The following TENM2 variants were observed in gnomAD, a reference collection of about 807,000 sequenced individuals.
TENM2 encodes the protein teneurin transmembrane protein 2, also known as teneurin-2.
In TENM2, 52 loss-of-function variants were observed where a neutral mutation model predicts 245.2. The observed-to-expected ratio is 0.21, with a 90% CI of 0.17 to 0.27. The LOEUF (loss-of-function observed/expected upper bound fraction) is 0.27. Ranked by LOEUF, TENM2 falls within the 10% of genes least tolerant of loss-of-function variation. The probability of loss-of-function intolerance (pLI) is 1.00; values close to 1 mark genes in which losing one functional copy is unlikely to be tolerated. For missense variants in TENM2, 3,046 were observed against 3,666.8 expected, an observed-to-expected ratio of 0.83 and a Z score of 4.37; for synonymous variants, 1,363 against 1,438.9, an observed-to-expected ratio of 0.95 and a Z score of 1.19.
At chr5:168,221,295 G>A (rs76901286) in intron 23 of TENM2, among the ~76,000 whole-genome samples, 1,605 of 152,106 alleles carry the variant, frequency 0.011, 27 homozygotes, top group African/African-American at 0.035. Context: ...TTTATCTGCC[G>A]TGTTGTCACA....
intron 3 of TENM2, among the ~76,000 whole-genome samples, chr5:167,916,374 A>C (rs986674855): frequency 6.6e-6 from 1 of 152,232 alleles, no homozygotes; most frequent in Non-Finnish European, 1.5e-5. Context: ...TCAGAGCCAA[A>C]GGACTTGGTT....
At chr5:167,552,401 A>G (rs1475714355) in intron 2 of TENM2, among the ~76,000 whole-genome samples, 3 of 152,126 alleles carry the variant, frequency 2.0e-5, no homozygotes, top group Non-Finnish European at 4.4e-5. Context: ...TTTTACCTTG[A>G]TTCTCTGGAG....
intron 3 of TENM2, among the ~76,000 whole-genome samples, chr5:167,928,843 C>T (rs1258875770): frequency 8.2e-5 from 10 of 122,494 alleles, no homozygotes; most frequent in East Asian, 5.4e-4. Context: ...TTGCAGTGAG[C>T]GGAGTTTGCT....
intron 12 of TENM2, among the ~76,000 whole-genome samples, chr5:168,149,594 C>A (rs951443496): frequency 1.3e-5 from 2 of 152,114 alleles, no homozygotes; most frequent in Admixed American, 6.5e-5. Context: ...AAGCCTCCAC[C>A]CTGGCTTACC....
intron 4 of TENM2, among the ~76,000 whole-genome samples, chr5:167,991,453 C>G (rs1410764395): frequency 2.6e-5 from 4 of 152,324 alleles, no homozygotes; most frequent in Non-Finnish European, 4.4e-5. Context: ...TCCCACTACA[C>G]ATTTCCTGGA....
At chr5:167,152,747 G>C in the TENM2 span, among the ~76,000 whole-genome samples, 2 of 152,212 alleles carry the variant, frequency 1.3e-5, no homozygotes, top group Non-Finnish European at 2.9e-5. Flanking sequence ...TGTATAAAGT[G>C]TGGATTCGCT....
chr5:167,900,022 T>C (rs942987923), intron 3 of TENM2, among the ~76,000 whole-genome samples: 3 of 149,002 alleles, frequency 2.0e-5, no homozygotes, highest in Non-Finnish European at 4.4e-5. Context: ...ACATTCTGGA[T>C]GATGCCAGGA....
chr5:168,229,433 T>C (rs1203931995), intron 25 of TENM2: 1 of 152,156 alleles, frequency 6.6e-6, no homozygotes, highest in East Asian at 1.9e-4. Flanking sequence ...GGAGGGGGAA[T>C]GTAATGGCAT....
At chr5:167,418,813 T>C (rs1763314703) in intron 2 of TENM2, among the ~76,000 whole-genome samples, 1 of 152,108 alleles carries the variant, frequency 6.6e-6, no homozygotes. Flanking sequence ...GAAATCAACA[T>C]TGGTAAAAGC....
At chr5:167,637,847 C>A (rs1779303221) in intron 2 of TENM2, among the ~76,000 whole-genome samples, 1 of 151,804 alleles carries the variant, frequency 6.6e-6, no homozygotes, top group Non-Finnish European at 1.5e-5. Flanking sequence ...AGCATTAGGA[C>A]AAATACCTAA....
chr5:167,240,972 ATCTTT>A, the TENM2 span, among the ~76,000 whole-genome samples: 8 of 152,160 alleles, frequency 5.3e-5, no homozygotes, highest in Non-Finnish European at 1.2e-4. Flanking sequence ...ATTGTGCTGT[ATCTTT>A]TCTTTACATG....
chr5:168,103,327 C>G (rs1034365864), intron 9 of TENM2, among the ~76,000 whole-genome samples: 1 of 152,198 alleles, frequency 6.6e-6, no homozygotes, highest in African/African-American at 2.4e-5. Context: ...ATTTCCGTAA[C>G]TCAAAGATCA....
chr5:167,494,096 C>T (rs1768622877), intron 2 of TENM2, among the ~76,000 whole-genome samples: 1 of 152,098 alleles, frequency 6.6e-6, no homozygotes, highest in South Asian at 2.1e-4. Flanking sequence ...CCATCCGTTA[C>T]TCAATTCACT....
chr5:167,391,875 C>T (rs1761780676), intron 2 of TENM2, among the ~76,000 whole-genome samples: 1 of 151,912 alleles, frequency 6.6e-6, no homozygotes, highest in African/African-American at 2.4e-5. Flanking sequence ...AGGAGTGGCC[C>T]ATATATATCC....
chr5:168,128,449 A>G (rs1008552194), intron 12 of TENM2, among the ~76,000 whole-genome samples: 2 of 152,164 alleles, frequency 1.3e-5, no homozygotes, highest in South Asian at 2.1e-4. Context: ...CCTCCCCTCA[A>G]AAGCTCTTGC....
chr5:168,185,636 G>A (rs1471955000), intron 13 of TENM2, among the ~76,000 whole-genome samples: 1 of 110,246 alleles, frequency 9.1e-6, no homozygotes, highest in Non-Finnish European at 2.0e-5. Context: ...GGATTTCCAT[G>A]AATCTTTAAA....
At chr5:167,353,514 T>G (rs866735820) in intron 1 of TENM2, among the ~76,000 whole-genome samples, 6 of 125,724 alleles carry the variant, frequency 4.8e-5, no homozygotes, top group African/African-American at 1.8e-4. Context: ...TTTTTTTTTT[T>G]TTTTTTTTTT....
At chr5:167,539,839 A>G (rs1163509737) in intron 2 of TENM2, among the ~76,000 whole-genome samples, 1 of 152,316 alleles carries the variant, frequency 6.6e-6, no homozygotes, top group African/African-American at 2.4e-5. Flanking sequence ...ATATGATAAT[A>G]ATATGGAAAA....
At chr5:167,382,268 A>T (rs1761133965) in intron 2 of TENM2, among the ~76,000 whole-genome samples, 1 of 152,186 alleles carries the variant, frequency 6.6e-6, no homozygotes, top group African/African-American at 2.4e-5. Flanking sequence ...TTCAGTTTTG[A>T]TCCAGCAAAT....
Sources: gnomAD v4.1 joint callset for allele counts (sites outside exome capture counted in the v4.1 genomes callset) on GRCh38, gnomAD v4.1.1 for gene constraint, MANE v1.5 for transcripts, NCBI Gene and HGNC (gene_info 2026-07-23, HGNC 2026-07-21) for gene names.